Variants in HOMER1 observed in about 807,000 individuals in gnomAD.
The protein encoded by HOMER1 is homer scaffold protein 1, also known as homer protein homolog 1.
In HOMER1, 3 loss-of-function variants were observed where a neutral mutation model predicts 48.9. The ratio of observed to expected loss-of-function variants is 0.06; its 90% CI spans 0.03 to 0.16. The LOEUF is 0.16. Ranked by LOEUF, HOMER1 falls within the 10% of genes least tolerant of loss-of-function variation. The probability of loss-of-function intolerance (pLI) is 1.00; values close to 1 mark genes in which losing one functional copy is unlikely to be tolerated. For synonymous variants in HOMER1, 134 were observed against 146.4 expected, an observed-to-expected ratio of 0.92 and a Z score of 0.61; for missense variants, 247 against 411.4, an observed-to-expected ratio of 0.60 and a Z score of 3.46.
intron 5 of HOMER1, among the ~76,000 whole-genome samples, chr5:79,436,119 C>A (rs1026974488): frequency 1.4e-4 from 21 of 147,260 alleles, no homozygotes; most frequent in Admixed American, 2.7e-4. Flanking sequence ...GGCGACAGAG[C>A]GAGACTCCGT....
Position 79,375,997 on chromosome 5 carries a change from A to G in HOMER1, c.*12T>C, listed in dbSNP as rs2112179314. 6.3e-7 allele frequency: 1 copy of G among 1,587,854 alleles called. No homozygotes were observed. The highest frequency in any genetic ancestry group is 2.2e-5 in the East Asian group (1 of 44,494). Reference sequence around the variant, plus strand: ...TATCTTTTAATTAATTGGCACTGAAATTTCACTTTCCTTAGCTGCATTCTA... The same window carrying G: ...TATCTTTTAATTAATTGGCACTGAAGTTTCACTTTCCTTAGCTGCATTCTA... On this transcript the variant is annotated 3_prime_UTR_variant, in exon 9 of 9. Transcript: ENST00000334082.
intron 1 of HOMER1, among the ~76,000 whole-genome samples, chr5:79,465,010 G>A (rs1172753011): frequency 6.6e-6 from 1 of 152,010 alleles, no homozygotes; most frequent in Non-Finnish European, 1.5e-5. Context: ...TATAATAGAA[G>A]TATCGAGACT....
At chr5:79,500,959 G>GACACACACACACACACACACACACAC (rs779298030) in intron 1 of HOMER1, among the ~76,000 whole-genome samples, 8 of 129,948 alleles carry the variant, frequency 6.2e-5, no homozygotes, top group Non-Finnish European at 1.5e-5. Flanking sequence ...GTGTGAGACA[G>GACACACACACACACACACACACACAC]ACAGACACAC....
intron 6 of HOMER1, among the ~76,000 whole-genome samples, chr5:79,398,064 T>C (rs1232685836): frequency 6.6e-6 from 1 of 152,088 alleles, no homozygotes; most frequent in African/African-American, 2.4e-5. Flanking sequence ...TGTAAGAGAA[T>C]CTGGAAGAGA....
At chr5:79,470,796 A>G (rs902791173) in intron 1 of HOMER1, among the ~76,000 whole-genome samples, 2 of 152,208 alleles carry the variant, frequency 1.3e-5, no homozygotes, top group Non-Finnish European at 2.9e-5. Flanking sequence ...ATGCATATCA[A>G]AAGCCACTAT....
At chr5:79,501,337 A>G (rs1752583789) in intron 1 of HOMER1, among the ~76,000 whole-genome samples, 1 of 152,166 alleles carries the variant, frequency 6.6e-6, no homozygotes, top group Non-Finnish European at 1.5e-5. Context: ...TATAAAACAT[A>G]TAACATACAA....
At chr5:79,378,215 T>C (rs1748825341) in intron 8 of HOMER1, among the ~76,000 whole-genome samples, 1 of 87,768 alleles carries the variant, frequency 1.1e-5, no homozygotes, top group Non-Finnish European at 1.9e-5. Flanking sequence ...AGAGTAAGAC[T>C]CTGTCTCAAA....
At chr5:79,407,085 C>T (rs1749680725) in intron 5 of HOMER1, among the ~76,000 whole-genome samples, 1 of 152,146 alleles carries the variant, frequency 6.6e-6, no homozygotes. Flanking sequence ...CTCTAGCAAT[C>T]CTAAGCACAA....
intron 8 of HOMER1, among the ~76,000 whole-genome samples, chr5:79,396,325 C>A (rs1056958449): frequency 9.2e-5 from 14 of 151,596 alleles, no homozygotes; most frequent in Non-Finnish European, 1.9e-4. Context: ...ATAATGTTCC[C>A]AAATTGAATG....
intron 5 of HOMER1, among the ~76,000 whole-genome samples, chr5:79,410,395 G>A (rs1034905484): frequency 1.3e-5 from 2 of 151,514 alleles, no homozygotes; most frequent in Non-Finnish European, 2.9e-5. Context: ...GGAGGCTGAG[G>A]CATGAGAATC....
In HOMER1 at chr5:79,447,162, T is replaced by C. The variant is rs750072306; in HGVS notation, c.295-17A>G. The C allele has an allele frequency of 1.3e-6, 2 of 1,493,068 alleles. No homozygotes were observed. Among genetic ancestry groups the C allele is most frequent in the Admixed American group, 3.3e-5 (2 of 59,816 alleles). The allele number at this position is 1,493,068 out of a possible 1,614,324, so 92.5% of individuals were successfully genotyped here. Reference sequence around the variant, plus strand: ...TTCTGCAAACTGAATGTATAGAGACTACATACATTAACCAAATAAAAATAG... The same window carrying C: ...TTCTGCAAACTGAATGTATAGAGACCACATACATTAACCAAATAAAAATAG... On this transcript the variant is annotated splice_polypyrimidine_tract_variant and intron_variant, in intron 3 of 8. Transcript: ENST00000334082.
At chr5:79,446,964 G>T in intron 4 of HOMER1, 89 bp downstream of exon 4, 1 of 829,514 alleles carries the variant, frequency 1.2e-6, no homozygotes, top group South Asian at 1.5e-5. Flanking sequence ...GTGCATTTCT[G>T]TGTGTACTTT....
chr5:79,499,923 C>T (rs923175784), intron 1 of HOMER1, among the ~76,000 whole-genome samples: 1 of 152,016 alleles, frequency 6.6e-6, no homozygotes, highest in African/African-American at 2.4e-5. Context: ...AGGGCAATAC[C>T]ATAAACTTTG....
intron 5 of HOMER1, among the ~76,000 whole-genome samples, chr5:79,406,608 C>T (rs886714660): frequency 5.3e-5 from 8 of 152,194 alleles, no homozygotes; most frequent in African/African-American, 1.9e-4. Context: ...GACCCTTCTT[C>T]TCCACAGGAC....
chr5:79,384,879 A>G (rs1252462906), intron 8 of HOMER1, among the ~76,000 whole-genome samples: 1 of 152,176 alleles, frequency 6.6e-6, no homozygotes, highest in Non-Finnish European at 1.5e-5. Context: ...CCATCAACAG[A>G]ATGAAGGAAA....
chr5:79,385,819 G>A (rs933353640), intron 8 of HOMER1, among the ~76,000 whole-genome samples: 6 of 133,852 alleles, frequency 4.5e-5, no homozygotes, highest in Admixed American at 1.7e-4. Flanking sequence ...CTCTAGCCTG[G>A]GTGACAGAGC....
At chr5:79,471,139 G>A (rs1751603299) in intron 1 of HOMER1, among the ~76,000 whole-genome samples, 1 of 152,098 alleles carries the variant, frequency 6.6e-6, no homozygotes, top group South Asian at 2.1e-4. Flanking sequence ...TGTATATCTG[G>A]AACATTCAAT....
intron 1 of HOMER1, among the ~76,000 whole-genome samples, chr5:79,490,274 GCTT>G (rs1188350633): frequency 6.6e-6 from 1 of 152,132 alleles, no homozygotes; most frequent in Non-Finnish European, 1.5e-5. Flanking sequence ...GGTAATATGA[GCTT>G]CTTTTATTTA....
intron 8 of HOMER1, among the ~76,000 whole-genome samples, chr5:79,395,624 T>C (rs1387485897): frequency 6.6e-6 from 1 of 152,238 alleles, no homozygotes; most frequent in Non-Finnish European, 1.5e-5. Flanking sequence ...TTCCATTTTA[T>C]ATAAGGAATC....
Sources: allele counts gnomAD v4.1 joint callset (sites outside exome capture counted in the v4.1 genomes callset), GRCh38; gene constraint gnomAD v4.1.1; transcripts MANE v1.5; gene names NCBI Gene and HGNC (gene_info 2026-07-23, HGNC 2026-07-21).